Variants in CDH13 observed in about 807,000 individuals in gnomAD.
The protein encoded by CDH13 is cadherin-13.
A neutral mutation model predicts 63.8 loss-of-function variants in CDH13; 24 were observed. The ratio of observed to expected loss-of-function variants is 0.38; its 90% confidence interval spans 0.27 to 0.53. CDH13 has a LOEUF of 0.53. Among genes scored for constraint, CDH13 ranks in the 20% least tolerant of loss-of-function variants. The pLI is 0.85. For missense variants in CDH13, 1,049 were observed against 903.1 expected (o/e 1.16, Z -2.07); for synonymous variants, 503 against 355.3 (o/e 1.42, Z -4.67).
chr16:82,789,241 C>T (rs8050902), intron 1 of CDH13, among the ~76,000 whole-genome samples: 3 of 152,186 alleles, frequency 2.0e-5, no homozygotes, highest in East Asian at 1.9e-4. Flanking sequence ...AGAGAAGTCA[C>T]GAAGAGTAGG....
At chr16:83,495,249 T>C (rs1351984731) in intron 7 of CDH13, among the ~76,000 whole-genome samples, 1 of 152,156 alleles carries the variant, frequency 6.6e-6, no homozygotes, top group African/African-American at 2.4e-5. Context: ...ACTTGTAAAA[T>C]GTACAATGGT....
chr16:83,049,100 G>T (rs973983619), intron 3 of CDH13, among the ~76,000 whole-genome samples: 1 of 151,968 alleles, frequency 6.6e-6, no homozygotes, highest in Non-Finnish European at 1.5e-5. Context: ...TTTTATTGAG[G>T]TAAAATTTAC....
intron 7 of CDH13, among the ~76,000 whole-genome samples, chr16:83,560,442 G>A (rs767414734): frequency 5.9e-5 from 9 of 152,150 alleles, no homozygotes; most frequent in South Asian, 2.1e-4. Context: ...AATATTGCAC[G>A]TTACCACATA....
intron 3 of CDH13, among the ~76,000 whole-genome samples, chr16:83,086,220 G>C (rs1363174908): frequency 6.6e-6 from 1 of 152,176 alleles, no homozygotes. Flanking sequence ...ACAGAGTCTT[G>C]AGACTACAAA....
intron 6 of CDH13, among the ~76,000 whole-genome samples, chr16:83,384,396 A>G (rs188838785): frequency 2.0e-5 from 3 of 152,300 alleles, no homozygotes; most frequent in East Asian, 3.9e-4. Flanking sequence ...GGCCAGTGAA[A>G]GAAGGAAATA....
intron 2 of CDH13, among the ~76,000 whole-genome samples, chr16:82,866,735 TGGAAGGCAGAGAGAAA>T (rs1368445973): frequency 1.3e-5 from 2 of 151,988 alleles, no homozygotes; most frequent in Non-Finnish European, 2.9e-5. Context: ...ACAATCATGG[TGGAAGGCAGAGAGAAA>T]GCAAGGCACC....
In CDH13 at chr16:83,800,296, T is replaced by TTCTATATCTG. The variant is rs779835087; in HGVS notation, c.*5269_*5278dup. 2 of 152,234 alleles carry TTCTATATCTG rather than the reference T, an allele frequency of 1.3e-5. No individual in the cohort carries two copies. The highest frequency in any genetic ancestry group is 2.9e-5 in the Non-Finnish European group (2 of 68,040). 9.4% of individuals were successfully genotyped at this position (152,234 alleles called of 1,614,324 possible). A position where few individuals can be genotyped will look rare whatever the true frequency, so the allele number is the denominator to read the frequency against. ...TTTTCTTTAGAGAGTACTAAAGCCA[T>TTCTATATCTG]TCTATATCTGTCGTACACATGAATT... On this transcript the variant is annotated 3_prime_UTR_variant, in exon 14 of 14. Transcript: ENST00000567109.
intron 4 of CDH13, among the ~76,000 whole-genome samples, chr16:83,190,833 T>G (rs2038674758): frequency 6.6e-6 from 1 of 152,146 alleles, no homozygotes; most frequent in Non-Finnish European, 1.5e-5. Context: ...AAACAGCCAA[T>G]TGATTTCTTT....
chr16:82,763,627 G>A (rs1037290580), intron 1 of CDH13, among the ~76,000 whole-genome samples: 1 of 152,156 alleles, frequency 6.6e-6, no homozygotes, highest in Non-Finnish European at 1.5e-5. Context: ...TACATGAGTT[G>A]ATATCTGTCT....
chr16:82,858,609 C>G, intron 2 of CDH13, 136 bp downstream of exon 2: 1 of 724,714 alleles, frequency 1.4e-6, no homozygotes, highest in South Asian at 1.5e-5. Flanking sequence ...ACTGCTTGAC[C>G]CAAAGTGGAA....
chr16:83,015,493 C>G (rs1914667909), intron 2 of CDH13, among the ~76,000 whole-genome samples: 1 of 151,158 alleles, frequency 6.6e-6, no homozygotes, highest in African/African-American at 2.4e-5. Flanking sequence ...GTGATAGTAT[C>G]TGAAAATCAA....
At chr16:83,743,284 G>A (rs556533497) in intron 10 of CDH13, among the ~76,000 whole-genome samples, 1 of 152,086 alleles carries the variant, frequency 6.6e-6, no homozygotes, top group Admixed American at 6.6e-5. Context: ...GCACAGCTCT[G>A]GATACTTGAT....
At chr16:83,023,882 A>G (rs1915570034) in intron 2 of CDH13, among the ~76,000 whole-genome samples, 1 of 152,218 alleles carries the variant, frequency 6.6e-6, no homozygotes, top group Non-Finnish European at 1.5e-5. Flanking sequence ...AACGTAAAAG[A>G]AAATGTTGTG....
intron 6 of CDH13, among the ~76,000 whole-genome samples, chr16:83,399,144 A>T (rs1413839242): frequency 6.6e-6 from 1 of 152,258 alleles, no homozygotes; most frequent in Non-Finnish European, 1.5e-5. Context: ...TTCTGTAGAA[A>T]GAACAGTTAA....
At chr16:83,276,988 G>C (rs577946068) in intron 5 of CDH13, among the ~76,000 whole-genome samples, 1 of 152,234 alleles carries the variant, frequency 6.6e-6, no homozygotes, top group Non-Finnish European at 1.5e-5. Context: ...ACAATCATGA[G>C]AACAACATGG....
chr16:83,307,855 G>A (rs999696251), intron 5 of CDH13, among the ~76,000 whole-genome samples: 1 of 152,076 alleles, frequency 6.6e-6, no homozygotes, highest in African/African-American at 2.4e-5. Context: ...GGTAATATGC[G>A]TGCTGCCGTT....
At chr16:82,759,942 G>A (rs895387796) in intron 1 of CDH13, among the ~76,000 whole-genome samples, 3 of 152,016 alleles carry the variant, frequency 2.0e-5, no homozygotes, top group African/African-American at 4.8e-5. Flanking sequence ...TTTACTGTAA[G>A]TTTTCATTTA....
At chr16:83,717,879 CTGCT>C (rs1483154041) in intron 10 of CDH13, 3 of 152,228 alleles carry the variant, frequency 2.0e-5, no homozygotes, top group Non-Finnish European at 2.9e-5. Context: ...CTACTGTGCT[CTGCT>C]TGCCTCTCCT....
At chr16:83,617,668 A>G (rs1909409219) in intron 8 of CDH13, among the ~76,000 whole-genome samples, 1 of 151,496 alleles carries the variant, frequency 6.6e-6, no homozygotes, top group African/African-American at 2.4e-5. Flanking sequence ...TAATTTGCAC[A>G]TAATATCTAT....
Sources: allele counts gnomAD v4.1 joint callset (sites outside exome capture counted in the v4.1 genomes callset), GRCh38; gene constraint gnomAD v4.1.1; transcripts MANE v1.5; gene names NCBI Gene and HGNC (gene_info 2026-07-23, HGNC 2026-07-21).